ACTN1: variants seen among roughly 807,000 people sequenced by gnomAD.
ACTN1 encodes the protein alpha-actinin-1.
In ACTN1, 30 loss-of-function variants were observed where a neutral mutation model predicts 119.6. The observed-to-expected ratio is 0.25, with a 90% CI of 0.19 to 0.34. The LOEUF (loss-of-function observed/expected upper bound fraction) is 0.34, where lower values mean the gene tolerates loss of function less well. Ranked by LOEUF, ACTN1 falls within the 10% of genes least tolerant of loss-of-function variation. The pLI is 1.00. For synonymous variants in ACTN1, 429 were observed against 472.6 expected (o/e 0.91, Z 1.20); for missense variants, 764 against 1,223.4 (o/e 0.62, Z 5.60).
At chr14:68,948,782 C>T (rs1208699901) in intron 1 of ACTN1, among the ~76,000 whole-genome samples, 1 of 152,132 alleles carries the variant, frequency 6.6e-6, no homozygotes, top group Non-Finnish European at 1.5e-5. Context: ...CCAGCCACTA[C>T]CAGGCCACAA....
At chr14:68,940,033 G>C (rs1258672946) in intron 1 of ACTN1, among the ~76,000 whole-genome samples, 1 of 152,208 alleles carries the variant, frequency 6.6e-6, no homozygotes, top group Non-Finnish European at 1.5e-5. Flanking sequence ...GCTGGTCTTC[G>C]AAGCAGAGTG....
In ACTN1 at chr14:68,979,156, T is replaced by TGGGCC; in HGVS notation, c.-101_-100insGGCCC. ...GGGAGGGAGTAGGGCTGGGCTGGGC[T>TGGGCC]GGGCTGGCGGGGCCGGGCTCGCTCC... On this transcript the variant is annotated 5_prime_UTR_variant, in exon 1 of 22. Transcript: ENST00000394419. 1 of 454,480 alleles carries TGGGCC rather than the reference T, an allele frequency of 2.2e-6. No individual in the cohort carries two copies. Among genetic ancestry groups the TGGGCC allele is most frequent in the Admixed American group, 3.2e-5 (1 of 30,878 alleles). 28.2% of individuals were successfully genotyped at this position (454,480 alleles called of 1,614,324 possible).
intron 11 of ACTN1, among the ~76,000 whole-genome samples, chr14:68,889,238 G>A (rs1473113565): frequency 2.1e-4 from 32 of 152,216 alleles, no homozygotes; most frequent in Admixed American, 1.9e-3. Flanking sequence ...GCCCCCAAGA[G>A]CCTCAAGGTT....
At chr14:68,913,626 A>G (rs3784136) in intron 3 of ACTN1, among the ~76,000 whole-genome samples, 27,113 of 152,140 alleles carry the variant, frequency 0.18, 3,273 homozygotes, top group East Asian at 0.63. Flanking sequence ...TCCATGGAGC[A>G]GTGCTTGGCC....
At chr14:68,901,808 G>A (rs2033357719) in intron 8 of ACTN1, among the ~76,000 whole-genome samples, 1 of 152,170 alleles carries the variant, frequency 6.6e-6, no homozygotes, top group Non-Finnish European at 1.5e-5. Flanking sequence ...TTAATCTCAG[G>A]CCTCCCGGAG....
Position 68,882,787 on chromosome 14 carries a change from T to C in ACTN1, c.1818+86A>G. ...GTGTTTACTATATGACAATTTTAAA[T>C]GAAATTGACAAAAATCAATTAAAAT... On this transcript the variant is annotated intron_variant, in intron 15 of 21. Coordinates refer to ENST00000394419, the MANE Select transcript of ACTN1 (RefSeq NM_001130004.2). This position sits in a 1 kb window ranked among gnomAD's most constrained non-coding sequence, Gnocchi z 4.5. 1 of 1,555,862 alleles carries C rather than the reference T, an allele frequency of 6.4e-7. No homozygotes were observed. Among genetic ancestry groups the C allele is most frequent in the Non-Finnish European group, 8.8e-7 (1 of 1,142,102 alleles).
rs2032432687 is a variant in ACTN1, at chr14:68,890,974, T to C, written c.1087-688A>G. Among the ~76,000 whole-genome samples the C allele has an allele frequency of 2.0e-5, 3 of 152,324 alleles. No homozygotes were observed. In the South Asian group the frequency reaches 6.2e-4, roughly 32 times the overall value. On this transcript the variant is annotated intron_variant, in intron 10 of 21. Coordinates refer to ENST00000394419, the MANE Select transcript of ACTN1 (RefSeq NM_001130004.2). ...CATCTGTCCCCCAGAAAGGGTACTT[T>C]GTCTAATTCTCATAGAGCACCCTTA...
In ACTN1 at chr14:68,880,306, C is replaced by A. The variant is rs1214750100; in HGVS notation, c.2134-198G>T. On this transcript the variant is annotated intron_variant, in intron 17 of 21. Coordinates refer to ENST00000394419, the MANE Select transcript of ACTN1 (RefSeq NM_001130004.2). This position sits in a 1 kb window ranked among gnomAD's most constrained non-coding sequence, Gnocchi z 4.6. ...ACAAGGACCCTAGATGACCAAGGGG[C>A]AGGGTGGCAGCCTCTGCCTGGGAGA... 6.6e-6 allele frequency among the ~76,000 whole-genome samples: 1 copy of A among 152,134 alleles called. No individual in the cohort carries two copies. The highest frequency in any genetic ancestry group is 1.5e-5 in the Non-Finnish European group (1 of 68,008).
intron 1 of ACTN1, among the ~76,000 whole-genome samples, chr14:68,944,679 T>C (rs1418030571): frequency 2.0e-5 from 3 of 151,918 alleles, no homozygotes; most frequent in East Asian, 3.9e-4. Context: ...AGGGGGGCAG[T>C]GTGTCTGATC....
Position 68,940,505 on chromosome 14 carries a change from G to A in ACTN1, c.106-14833C>T, listed in dbSNP as rs140754108. Reference sequence around the variant, plus strand: ...TCCACCCCTCCTGGGGTTGGGCTAAGAATTAAATAGCACAAAACTAGACTT... The same window carrying A: ...TCCACCCCTCCTGGGGTTGGGCTAAAAATTAAATAGCACAAAACTAGACTT... On this transcript the variant is annotated intron_variant, in intron 1 of 21. Coordinates refer to ENST00000394419, the MANE Select transcript of ACTN1 (RefSeq NM_001130004.2). Among the ~76,000 whole-genome samples the A allele has an allele frequency of 6.9e-3, 1,046 of 152,106 alleles. 48 individuals are homozygous for A. The highest frequency in any genetic ancestry group is 0.061 in the Admixed American group (935 of 15,268).
chr14:68,978,676 G>A, intron 1 of ACTN1: 1 of 322,542 alleles, frequency 3.1e-6, no homozygotes, highest in East Asian at 6.4e-5. Flanking sequence ...CCGCAGGGTG[G>A]CCTGGACCAC....
At chr14:68,942,849 A>G (rs1163765278) in intron 1 of ACTN1, among the ~76,000 whole-genome samples, 1 of 152,154 alleles carries the variant, frequency 6.6e-6, no homozygotes, top group Non-Finnish European at 1.5e-5. Flanking sequence ...TGTCAGCAGG[A>G]GAGCAGCTGG....
At chr14:68,976,749 T>C (rs2037075339) in intron 1 of ACTN1, among the ~76,000 whole-genome samples, 2 of 152,220 alleles carry the variant, frequency 1.3e-5, no homozygotes, top group African/African-American at 4.8e-5. Context: ...CAGTCTGGAC[T>C]TGGAGCTGGT....
chr14:68,907,204 G>A (rs1239225982), intron 6 of ACTN1, among the ~76,000 whole-genome samples: 2 of 147,206 alleles, frequency 1.4e-5, no homozygotes, highest in African/African-American at 5.1e-5. Context: ...GGAGGTTGCA[G>A]TGAGCCAAGA....
intron 12 of ACTN1, 81 bp from the exon 13 acceptor site, chr14:68,884,964 G>T (rs979954135): frequency 8.0e-7 from 1 of 1,246,416 alleles, no homozygotes; most frequent in Non-Finnish European, 1.2e-6. Context: ...GCTGTCAGTG[G>T]GGTGGCTGGT....
At chr14:68,950,835 A>C (rs1384011902) in intron 1 of ACTN1, among the ~76,000 whole-genome samples, 1 of 152,178 alleles carries the variant, frequency 6.6e-6, no homozygotes, top group African/African-American at 2.4e-5. Flanking sequence ...TGCTGGGATT[A>C]CAGGCATGAG....
In ACTN1 at chr14:68,885,597, T is replaced by C; in HGVS notation, c.1235-22A>G. 1 of 1,608,992 alleles carries C rather than the reference T, an allele frequency of 6.2e-7. No individual in the cohort carries two copies. The highest frequency in any genetic ancestry group is 8.5e-7 in the Non-Finnish European group (1 of 1,179,462). On this transcript the variant is annotated intron_variant, in intron 11 of 21. Transcript: ENST00000394419. The surrounding 1 kb of genome is among the most constrained non-coding windows in gnomAD (Gnocchi z 5.6). ...TTGCCTGGGTTGAGAGAGGGCCACATGGCTGAGCTGGAGTGAGAAGCATCT... is the reference window on the plus strand; with the variant it reads ...TTGCCTGGGTTGAGAGAGGGCCACACGGCTGAGCTGGAGTGAGAAGCATCT...
At position 68,925,647 on chromosome 14, in the gene ACTN1, T is replaced by C; in HGVS notation, c.131A>G (p.His44Arg). 6.2e-7 allele frequency: 1 copy of C among 1,612,890 alleles called. No homozygotes were observed. The highest frequency in any genetic ancestry group is 8.5e-7 in the Non-Finnish European group (1 of 1,179,414). ...GATCTGTGTCCCCGCCTTCCGGAGG[T>C]GGGAGTTACACCATGCCGTGAATGT... ...RKTFTAWCNS[H>R]LRKAGTQIEN... Residue 44 changes from histidine (H) to arginine (R), a missense_variant, in exon 2 of 22, where the codon CAC (histidine) becomes CGC (arginine). This residue lies in a region of ACTN1 where 64 missense variants were observed against 80.0 expected (regional missense o/e 0.80). Coordinates refer to ENST00000394419, the MANE Select transcript of ACTN1 (RefSeq NM_001130004.2). This position sits in a 1 kb window ranked among gnomAD's most constrained non-coding sequence, Gnocchi z 4.3.
chr14:68,906,427 A>G (rs1217556125), intron 6 of ACTN1, among the ~76,000 whole-genome samples: 2 of 152,196 alleles, frequency 1.3e-5, no homozygotes, highest in Admixed American at 6.5e-5. Flanking sequence ...GGGTAACACA[A>G]AGATAAATAC....
Sources: allele counts gnomAD v4.1 joint callset (sites outside exome capture counted in the v4.1 genomes callset), GRCh38; gene constraint gnomAD v4.1.1; regional missense constraint gnomAD v4.1.1; non-coding constraint Gnocchi (gnomAD v3.1); transcripts MANE v1.5; gene names NCBI Gene and HGNC (gene_info 2026-07-23, HGNC 2026-07-21).